Variants in BCAR1 observed in about 807,000 individuals in gnomAD.
BCAR1 encodes the protein BCAR1 scaffold protein, Cas family member, also known as breast cancer anti-estrogen resistance protein 1.
BCAR1 carries 30 observed loss-of-function variants against 67.6 expected under a neutral mutation model. The ratio of observed to expected loss-of-function variants is 0.44; its 90% CI spans 0.33 to 0.60. BCAR1 has a LOEUF of 0.60. BCAR1 is among the 20% of genes least tolerant of loss of function. The pLI is 0.02. For synonymous variants in BCAR1, 626 were observed against 556.7 expected (o/e 1.12, Z -1.75); for missense variants, 1,313 against 1,222.3 (o/e 1.07, Z -1.11).
chr16:75,258,095 AC>A (rs1299753381), intron 1 of BCAR1, among the ~76,000 whole-genome samples: 1 of 152,088 alleles, frequency 6.6e-6, no homozygotes, highest in Non-Finnish European at 1.5e-5. Context: ...CCCGCAGCAT[AC>A]CCACACCCTG....
Position 75,233,874 on chromosome 16 carries a change from T to C in BCAR1, c.2072A>G (p.Gln691Arg). The change falls in exon 6 of 7, where the codon CAG becomes CGG. Residue 691 changes from glutamine (Q) to arginine (R), a missense_variant. Transcript: ENST00000162330. ...CTGCAACTCCAGCTGGCTCTTGCCC[T>C]GCCGCGTGATGCTGCCCTTTTCCAG... ...ELLEKGSITRQGKSQLELQQL... is the reference protein window; with the variant it reads ...ELLEKGSITRRGKSQLELQQL... The C allele has an allele frequency of 6.2e-7, 1 of 1,609,912 alleles. No homozygotes were observed. The highest frequency in any genetic ancestry group is 8.5e-7 in the Non-Finnish European group (1 of 1,178,324).
chr16:75,238,822 G>T (rs935752080), intron 2 of BCAR1: 3 of 985,346 alleles, frequency 3.0e-6, no homozygotes, highest in Non-Finnish European at 3.6e-6. Flanking sequence ...AGGCGGGGCG[G>T]AGGGACGTGG....
chr16:75,250,855 G>T, intron 1 of BCAR1: 1 of 985,492 alleles, frequency 1.0e-6, no homozygotes. Context: ...TTCCACCGGC[G>T]CTCGGCGTGC....
chr16:75,265,996 C>A (rs1328630300), intron 1 of BCAR1: 4 of 1,041,628 alleles, frequency 3.8e-6, no homozygotes, highest in Non-Finnish European at 4.6e-6. Context: ...CCGCTCCAGC[C>A]GCGCCGCGCA....
chr16:75,260,346 ACT>A (rs1299750295), intron 1 of BCAR1, among the ~76,000 whole-genome samples: 1 of 151,938 alleles, frequency 6.6e-6, no homozygotes, highest in Non-Finnish European at 1.5e-5. Flanking sequence ...ATTAATCAAA[ACT>A]CATCCAACTG....
intron 2 of BCAR1, among the ~76,000 whole-genome samples, chr16:75,240,396 G>A (rs1025486231): frequency 6.6e-5 from 10 of 152,162 alleles, no homozygotes; most frequent in African/African-American, 1.2e-4. Context: ...ATGAGCAATC[G>A]GAAACTGCCC....
intron 1 of BCAR1, among the ~76,000 whole-genome samples, chr16:75,267,707 A>T (rs9319482): frequency 6.6e-6 from 1 of 151,852 alleles, no homozygotes; most frequent in Admixed American, 6.6e-5. Context: ...TAGGTGCCCC[A>T]GCCAGAATGG....
At chr16:75,244,233 C>T (rs1463621385) in intron 1 of BCAR1, among the ~76,000 whole-genome samples, 1 of 152,260 alleles carries the variant, frequency 6.6e-6, no homozygotes, top group Admixed American at 6.5e-5. Context: ...GGTCGAGACT[C>T]TGACTCGGAA....
rs768996013 is a variant in BCAR1 at position 75,235,966 on chromosome 16, C to T, written c.933G>A (p.Ser311=). ...NHHAVYDVPP[S]VSKDVPDGPL... ...GGCCATCGGGCACATCCTTGCTCACCGATGGAGGAACGTCGTAGACCTGGG... is the reference window on the plus strand; with the variant it reads ...GGCCATCGGGCACATCCTTGCTCACTGATGGAGGAACGTCGTAGACCTGGG... Residue 311 remains serine (S), a synonymous_variant, in exon 5 of 7, where the codon TCG becomes TCA. Coordinates refer to ENST00000162330, the MANE Select transcript of BCAR1 (RefSeq NM_014567.5). 3.4e-5 allele frequency: 53 copies of T among 1,574,886 alleles called. No homozygotes were observed. The highest frequency in any genetic ancestry group is 4.0e-5 in the Non-Finnish European group (46 of 1,159,674).
At chr16:75,238,287 C>T in intron 2 of BCAR1, 1 of 1,157,464 alleles carries the variant, frequency 8.6e-7, no homozygotes, top group Non-Finnish European at 1.1e-6. Context: ...TCTCCAGCCC[C>T]CGGGCACACT....
At chr16:75,258,064 C>A (rs1056815336) in intron 1 of BCAR1, among the ~76,000 whole-genome samples, 1 of 152,180 alleles carries the variant, frequency 6.6e-6, no homozygotes, top group Admixed American at 6.5e-5. Flanking sequence ...AAACACACAG[C>A]GGCACCCTAG....
intron 1 of BCAR1, among the ~76,000 whole-genome samples, chr16:75,258,898 A>C (rs2077836618): frequency 6.6e-6 from 1 of 152,150 alleles, no homozygotes; most frequent in South Asian, 2.1e-4. Flanking sequence ...GTCTGCCTGG[A>C]GGGGTGCCTT....
At chr16:75,261,440 G>C (rs1198705377) in intron 1 of BCAR1, among the ~76,000 whole-genome samples, 1 of 152,236 alleles carries the variant, frequency 6.6e-6, no homozygotes, top group Non-Finnish European at 1.5e-5. Flanking sequence ...GGCAGGGGTG[G>C]AACCAGCCTC....
At chr16:75,238,288 C>A (rs377607853) in intron 2 of BCAR1, 14 of 1,155,936 alleles carry the variant, frequency 1.2e-5, no homozygotes, top group Non-Finnish European at 1.5e-5. Flanking sequence ...CTCCAGCCCC[C>A]GGGCACACTG....
chr16:75,264,535 T>C (rs2077965198), intron 1 of BCAR1: 2 of 1,398,966 alleles, frequency 1.4e-6, no homozygotes, highest in East Asian at 2.6e-5. Context: ...ACGAGACGAT[T>C]ATGCTCTGAA....
At chr16:75,238,159 C>T in intron 2 of BCAR1, 1 of 1,274,090 alleles carries the variant, frequency 7.8e-7, no homozygotes, top group Non-Finnish European at 1.0e-6. Flanking sequence ...CAATGGCCTG[C>T]CCAGGGCCAC....
chr16:75,234,477 G>A (rs956168757), intron 5 of BCAR1, among the ~76,000 whole-genome samples: 1 of 152,192 alleles, frequency 6.6e-6, no homozygotes, highest in Non-Finnish European at 1.5e-5. Flanking sequence ...CTCTGGCCCA[G>A]CTCAGCCTGG....
At chr16:75,253,573 T>G (rs2077719577), upstream of BCAR1, among the ~76,000 whole-genome samples, 1 of 152,094 alleles carries the variant, frequency 6.6e-6, no homozygotes, top group African/African-American at 2.4e-5. Flanking sequence ...GCTGCTGGTG[T>G]GAGCAGGAGG....
chr16:75,254,896 A>G (rs367608582), upstream of BCAR1, among the ~76,000 whole-genome samples: 21 of 152,334 alleles, frequency 1.4e-4, no homozygotes, highest in African/African-American at 4.6e-4. Context: ...ACTGGACCCA[A>G]GTGGAAAGAT....
Sources: gnomAD v4.1 joint callset for allele counts (sites outside exome capture counted in the v4.1 genomes callset) on GRCh38, gnomAD v4.1.1 for gene constraint, MANE v1.5 for transcripts, NCBI Gene and HGNC (gene_info 2026-07-23, HGNC 2026-07-21) for gene names.